Variants in PDSS2 observed in about 807,000 individuals in gnomAD.
The protein encoded by PDSS2 is all trans-polyprenyl-diphosphate synthase PDSS2.
A neutral mutation model predicts 44.5 loss-of-function variants in PDSS2; 31 were observed. The ratio of observed to expected loss-of-function variants is 0.70; its 90% CI spans 0.52 to 0.94. The LOEUF (loss-of-function observed/expected upper bound fraction) is 0.94, where lower values mean the gene tolerates loss of function less well. PDSS2 is among the 40% of genes least tolerant of loss of function. The pLI is 0.00. For missense variants in PDSS2, 452 were observed against 482.2 expected (o/e 0.94, Z 0.59); for synonymous variants, 157 against 180.3 (o/e 0.87, Z 1.03).
intron 7 of PDSS2, among the ~76,000 whole-genome samples, chr6:107,192,926 C>T (rs959498807): frequency 6.6e-6 from 1 of 152,100 alleles, no homozygotes; most frequent in African/African-American, 2.4e-5. Context: ...TTTTGGTTGT[C>T]CCACGGCAAG....
intron 2 of PDSS2, among the ~76,000 whole-genome samples, chr6:107,278,470 C>T (rs1775861751): frequency 6.6e-6 from 1 of 152,104 alleles, no homozygotes; most frequent in Admixed American, 6.5e-5. Flanking sequence ...AAACCATTCA[C>T]TGAAAAAAGT....
intron 1 of PDSS2, among the ~76,000 whole-genome samples, chr6:107,423,844 G>A (rs912990453): frequency 1.3e-5 from 2 of 151,970 alleles, no homozygotes; most frequent in Non-Finnish European, 2.9e-5. Context: ...GTAAAAGGCA[G>A]AGCAGAAACA....
At chr6:107,336,667 A>T (rs1209072626) in intron 1 of PDSS2, among the ~76,000 whole-genome samples, 1 of 151,884 alleles carries the variant, frequency 6.6e-6, no homozygotes, top group Non-Finnish European at 1.5e-5. Flanking sequence ...GAGCTTTTTA[A>T]ATTTTTTTTT....
intron 4 of PDSS2, among the ~76,000 whole-genome samples, chr6:107,214,108 CT>C (rs111768125): frequency 9.7e-4 from 140 of 144,562 alleles, no homozygotes; most frequent in Middle Eastern, 3.6e-3. Context: ...CTATTTTACA[CT>C]TTTTTTTTTT....
chr6:107,286,402 C>T (rs899968422), intron 2 of PDSS2, among the ~76,000 whole-genome samples: 10 of 151,322 alleles, frequency 6.6e-5, no homozygotes, highest in African/African-American at 1.2e-4. Context: ...CCCAGCTACT[C>T]GGGAGGCTGA....
chr6:107,272,084 CAA>C (rs58296849), intron 3 of PDSS2, among the ~76,000 whole-genome samples: 3 of 128,874 alleles, frequency 2.3e-5, no homozygotes, highest in African/African-American at 8.8e-5. Flanking sequence ...AAAAAAGAAA[CAA>C]AAAAAAAAAA....
intron 1 of PDSS2, among the ~76,000 whole-genome samples, chr6:107,383,687 G>T (rs539122302): frequency 6.6e-6 from 1 of 152,218 alleles, no homozygotes; most frequent in East Asian, 1.9e-4. Context: ...ATGAAAAGAT[G>T]TTCAATGTCA....
intron 1 of PDSS2, among the ~76,000 whole-genome samples, chr6:107,442,142 C>T (rs942443349): frequency 1.2e-4 from 18 of 152,236 alleles, no homozygotes; most frequent in Non-Finnish European, 2.6e-4. Flanking sequence ...CTTGGCTAGG[C>T]GCGGTGGCTC....
chr6:107,288,427 T>C lies in PDSS2; in HGVS notation c.432-14200A>G, dbSNP rs59182630. On this transcript the variant is annotated intron_variant, in intron 2 of 7. Coordinates refer to ENST00000369037, the MANE Select transcript of PDSS2 (RefSeq NM_020381.4). ...TGAATGAATGAATGAGGAGCACAAG[T>C]TGATTTTCGGAGAAAAAGGAAAAAC... Among the ~76,000 whole-genome samples the C allele has an allele frequency of 3.2e-3, 487 of 152,270 alleles. 6 individuals carry two copies. The highest frequency in any genetic ancestry group is 0.011 in the African/African-American group (453 of 41,552).
At chr6:107,238,004 C>T (rs796416909) in intron 4 of PDSS2, among the ~76,000 whole-genome samples, 2 of 151,134 alleles carry the variant, frequency 1.3e-5, no homozygotes, top group South Asian at 4.2e-4. Context: ...CTGACTGATA[C>T]TGAAAGTATT....
chr6:107,352,706 G>A (rs923434854), intron 1 of PDSS2, among the ~76,000 whole-genome samples: 1 of 152,150 alleles, frequency 6.6e-6, no homozygotes, highest in African/African-American at 2.4e-5. Context: ...TTCTTAACTC[G>A]GGTGATTTTA....
chr6:107,240,688 G>A (rs555188648), intron 4 of PDSS2, among the ~76,000 whole-genome samples: 9 of 150,806 alleles, frequency 6.0e-5, no homozygotes, highest in Admixed American at 2.0e-4. Flanking sequence ...GTGAGCCACC[G>A]CACCTGGCTG....
chr6:107,299,529 C>T (rs1212223948), intron 2 of PDSS2, among the ~76,000 whole-genome samples: 1 of 152,128 alleles, frequency 6.6e-6, no homozygotes, highest in African/African-American at 2.4e-5. Flanking sequence ...TGTAGATCCC[C>T]ATGGCCCTCC....
Position 107,459,274 on chromosome 6 carries a change from C to A in PDSS2, c.12G>T (p.Arg4=), listed in dbSNP as rs765474718. 6 of 1,614,036 alleles carry A rather than the reference C, an allele frequency of 3.7e-6. No individual in the cohort carries two copies. Among genetic ancestry groups the A allele is most frequent in the Non-Finnish European group, 5.1e-6 (6 of 1,180,000 alleles). MNF[R]QLLLHLPRYL... is the part of the protein sequence containing the mutation. The stretch of plus-strand genomic sequence containing the variant: ...AACGTGGCAAGTGCAACAGCAGCTG[C>A]CGAAAGTTCATGGTTTGAGTCTGGA... Residue 4 remains arginine, a synonymous_variant, in exon 1 of 8, where the codon CGG becomes CGT. Coordinates refer to ENST00000369037, the MANE Select transcript of PDSS2 (RefSeq NM_020381.4). The surrounding 1 kb of genome is among the most constrained non-coding windows in gnomAD (Gnocchi z 4.3).
chr6:107,422,871 TAAAC>T (rs1403327016), intron 1 of PDSS2, among the ~76,000 whole-genome samples: 1 of 152,132 alleles, frequency 6.6e-6, no homozygotes, highest in South Asian at 2.1e-4. Context: ...TTTTTTAAAT[TAAAC>T]AATACATACT....
intron 4 of PDSS2, among the ~76,000 whole-genome samples, chr6:107,223,289 G>A (rs1297944211): frequency 3.3e-5 from 5 of 150,878 alleles, no homozygotes; most frequent in Non-Finnish European, 7.4e-5. Context: ...TGGCACTTTG[G>A]GAGGCCGAGG....
At chr6:107,455,614 C>T (rs1782012440) in intron 1 of PDSS2, among the ~76,000 whole-genome samples, 1 of 151,836 alleles carries the variant, frequency 6.6e-6, no homozygotes, top group African/African-American at 2.4e-5. Flanking sequence ...ATTAGCTGGG[C>T]GTGGTGGCAC....
At chr6:107,335,371 C>A (rs1777853309) in intron 1 of PDSS2, among the ~76,000 whole-genome samples, 1 of 152,028 alleles carries the variant, frequency 6.6e-6, no homozygotes, top group African/African-American at 2.4e-5. Flanking sequence ...TGAAGTGATA[C>A]TATTTGGTGA....
At chr6:107,217,940 A>C (rs1163501514) in intron 4 of PDSS2, among the ~76,000 whole-genome samples, 1 of 152,222 alleles carries the variant, frequency 6.6e-6, no homozygotes, top group African/African-American at 2.4e-5. Context: ...TTTATCTAAT[A>C]GTTGCTGAAA....
Sources: allele counts gnomAD v4.1 joint callset (sites outside exome capture counted in the v4.1 genomes callset), GRCh38; gene constraint gnomAD v4.1.1; non-coding constraint Gnocchi (gnomAD v3.1); transcripts MANE v1.5; gene names NCBI Gene and HGNC (gene_info 2026-07-23, HGNC 2026-07-21).